Variants in NR1H4 observed in about 807,000 individuals in gnomAD.
NR1H4 encodes bile acid receptor.
NR1H4 carries 23 observed loss-of-function variants against 58.5 expected under a neutral mutation model. The observed-to-expected ratio is 0.39, with a 90% CI of 0.28 to 0.56. The LOEUF (loss-of-function observed/expected upper bound fraction) is 0.56. Ranked by LOEUF, NR1H4 falls within the 20% of genes least tolerant of loss-of-function variation. The probability of loss-of-function intolerance (pLI) is 0.58; values close to 1 mark genes in which losing one functional copy is unlikely to be tolerated. For synonymous variants in NR1H4, 214 were observed against 198.0 expected (o/e 1.08, Z -0.68); for missense variants, 487 against 576.9 (o/e 0.84, Z 1.60).
At chr12:100,521,437 A>G (rs1027911496) in intron 4 of NR1H4, among the ~76,000 whole-genome samples, 2 of 152,214 alleles carry the variant, frequency 1.3e-5, no homozygotes, top group Admixed American at 6.5e-5. Flanking sequence ...ATGAATTTTG[A>G]TTCAAACCTC....
intron 1 of NR1H4, among the ~76,000 whole-genome samples, chr12:100,475,870 G>C (rs983742537): frequency 6.6e-6 from 1 of 152,092 alleles, no homozygotes; most frequent in African/African-American, 2.4e-5. Flanking sequence ...TGAGTAGCTG[G>C]TACTACAGGC....
chr12:100,478,957 G>A (rs1479655278), intron 1 of NR1H4, among the ~76,000 whole-genome samples: 1 of 152,110 alleles, frequency 6.6e-6, no homozygotes, highest in African/African-American at 2.4e-5. Context: ...TTTAGTTATA[G>A]TAATATCCAT....
At chr12:100,542,841 C>T (rs148791596) in intron 9 of NR1H4, among the ~76,000 whole-genome samples, 2 of 151,052 alleles carry the variant, frequency 1.3e-5, no homozygotes, top group Non-Finnish European at 1.5e-5. Context: ...TTAAAAACCA[C>T]ACACTTTAAA....
At chr12:100,515,165 C>CTTT (rs59404984) in intron 4 of NR1H4, among the ~76,000 whole-genome samples, 227 of 94,818 alleles carry the variant, frequency 2.4e-3, no homozygotes, top group Non-Finnish European at 2.7e-3. Flanking sequence ...TTTGTCAAAG[C>CTTT]TTTTTTTTTT....
At chr12:100,516,618 G>A (rs141897385) in intron 4 of NR1H4, among the ~76,000 whole-genome samples, 5 of 152,048 alleles carry the variant, frequency 3.3e-5, no homozygotes, top group South Asian at 4.2e-4. Flanking sequence ...CGCCCGCCTC[G>A]GCCTCCCAAA....
At chr12:100,513,839 AGG>A (rs1954192996) in intron 4 of NR1H4, among the ~76,000 whole-genome samples, 3 of 141,974 alleles carry the variant, frequency 2.1e-5, no homozygotes, top group South Asian at 5.3e-4. Flanking sequence ...GAAGGAAGGA[AGG>A]AAGGAAGGAA....
In NR1H4 at chr12:100,556,355, T is replaced by TA. The variant is rs1955323169; in HGVS notation, c.1079-5529dup. On this transcript the variant is annotated intron_variant, in intron 9 of 10. Coordinates refer to ENST00000392986, the MANE Select transcript of NR1H4 (RefSeq NM_001206979.2). ...GGTGGTGCATGCCTGTAATCCCAGC[T>TA]ACTCGGGAGACTGAGGCAAAAGAAT... Among the ~76,000 whole-genome samples, 3 of 151,664 alleles carry TA rather than the reference T, an allele frequency of 2.0e-5. No individual in the cohort carries two copies. In the South Asian group the frequency reaches 6.2e-4, roughly 32 times the overall value.
intron 8 of NR1H4, among the ~76,000 whole-genome samples, chr12:100,539,991 G>A (rs1954899635): frequency 1.3e-5 from 2 of 152,174 alleles, no homozygotes; most frequent in Admixed American, 1.3e-4. Context: ...GGGCCAGGTG[G>A]TCAGTGTGGC....
chr12:100,506,899 G>T (rs565888122), intron 3 of NR1H4, among the ~76,000 whole-genome samples: 1 of 152,072 alleles, frequency 6.6e-6, no homozygotes, highest in Non-Finnish European at 1.5e-5. Context: ...CTATATCTTT[G>T]TGAAAGCTTT....
At chr12:100,478,722 A>G (rs1953320112) in intron 1 of NR1H4, among the ~76,000 whole-genome samples, 1 of 152,176 alleles carries the variant, frequency 6.6e-6, no homozygotes, top group Admixed American at 6.5e-5. Context: ...TCTGCATTAG[A>G]GGCAATGCTA....
chr12:100,540,542 G>A (rs1954910568), intron 8 of NR1H4, 130 bp from the exon 9 acceptor site: 1 of 928,668 alleles, frequency 1.1e-6, no homozygotes. Context: ...AGTACAAATG[G>A]ACTCAACTAG....
chr12:100,488,475 A>G (rs1953541842), intron 1 of NR1H4, among the ~76,000 whole-genome samples: 1 of 152,240 alleles, frequency 6.6e-6, no homozygotes, highest in South Asian at 2.1e-4. Flanking sequence ...GTAAATCCTG[A>G]AATTTTAAAA....
chr12:100,550,370 T>C (rs2136287302), intron 9 of NR1H4, among the ~76,000 whole-genome samples: 1 of 152,274 alleles, frequency 6.6e-6, no homozygotes, highest in East Asian at 1.9e-4. Flanking sequence ...TTGTTTTGTT[T>C]TGATTTTTTT....
rs17030301 is a variant in NR1H4, at chr12:100,541,067, C to G, written c.1078+249C>G. ...ACTAAGATGAAGAGCCAAAGGAAGA[C>G]TTTTTTAAAGATTGGAAAATTCATC... On this transcript the variant is annotated intron_variant, in intron 9 of 10. Transcript: ENST00000392986. Among the ~76,000 whole-genome samples, 10,442 of 152,110 alleles carry G rather than the reference C, an allele frequency of 0.069. 1,127 individuals carry two copies. Among genetic ancestry groups the G allele is most frequent in the African/African-American group, 0.23 (9,641 of 41,444 alleles).
intron 4 of NR1H4, among the ~76,000 whole-genome samples, chr12:100,514,669 A>G (rs1954217007): frequency 1.3e-5 from 2 of 152,192 alleles, no homozygotes; most frequent in African/African-American, 4.8e-5. Context: ...GAAAAGTATA[A>G]TATAGAGCTT....
intron 1 of NR1H4, among the ~76,000 whole-genome samples, chr12:100,491,731 G>A (rs1014766608): frequency 1.3e-4 from 19 of 151,760 alleles, no homozygotes; most frequent in African/African-American, 4.4e-4. Context: ...ACCCAGATAT[G>A]CCTGGAACCC....
intron 1 of NR1H4, among the ~76,000 whole-genome samples, chr12:100,475,136 T>TCTAC (rs140743008): frequency 8.9e-5 from 13 of 145,354 alleles, no homozygotes; most frequent in East Asian, 3.9e-4. Flanking sequence ...TATCTATCTA[T>TCTAC]CTATCTATCT....
intron 1 of NR1H4, among the ~76,000 whole-genome samples, chr12:100,486,153 G>T (rs977848631): frequency 3.9e-5 from 6 of 152,042 alleles, no homozygotes; most frequent in Admixed American, 3.9e-4. Context: ...GTAGTTCCAG[G>T]TCATGCGTGA....
In NR1H4 at chr12:100,492,811, CA is replaced by C. The variant is rs889461892; in HGVS notation, c.-55+182del. Among the ~76,000 whole-genome samples the C allele has an allele frequency of 1.4e-4, 21 of 151,716 alleles. 1 individual carries two copies. Among genetic ancestry groups the C allele is most frequent in the African/African-American group, 5.1e-4 (21 of 41,424 alleles). On this transcript the variant is annotated intron_variant, in intron 2 of 10. Transcript: ENST00000392986. ...TCTGCTGACATAATGCCTAAATAGT[CA>C]AAAAAAATTCCAGTAGGAAGTGGCT...
Sources: gnomAD v4.1 joint callset for allele counts (sites outside exome capture counted in the v4.1 genomes callset) on GRCh38, gnomAD v4.1.1 for gene constraint, MANE v1.5 for transcripts, NCBI Gene and HGNC (gene_info 2026-07-23, HGNC 2026-07-21) for gene names.